Variants in HTATIP2 observed in about 807,000 individuals in gnomAD.
HTATIP2 encodes the protein protein HTATIP2.
In HTATIP2, 26 loss-of-function variants were observed where a neutral mutation model predicts 24.7. That is an observed-to-expected ratio of 1.05 (90% CI 0.77 to 1.46). HTATIP2 has a LOEUF of 1.46. Ranked by LOEUF, HTATIP2 falls within the 40% of genes most tolerant of loss-of-function variation. HTATIP2 has a pLI of 0.00. For synonymous variants in HTATIP2, 99 were observed against 113.2 expected (o/e 0.87, Z 0.79); for missense variants, 284 against 289.6 (o/e 0.98, Z 0.14).
At position 20,383,002 on chromosome 11, in the gene HTATIP2, G is replaced by C; in HGVS notation, c.526G>C (p.Glu176Gln). The change falls in exon 5 of 5, where the codon GAA (glutamate) becomes CAA (glutamine). Residue 176 changes from glutamate to glutamine, a missense_variant. Physicochemically the swap from Glu to Gln is conservative, Grantham distance 29. Coordinates refer to ENST00000451739, the MANE Select transcript of HTATIP2 (RefSeq NM_001098522.2). ...TAGAGTTCTGTTATGTGATAGGCAA[G>C]AATCTCGCCCAGGTGAATGGCTGGT... ...RPGVLLCDRQ[E>Q]SRPGEWLVRK... is the part of the protein sequence containing the mutation. The C allele has an allele frequency of 6.2e-7, 1 of 1,611,460 alleles. No homozygotes were observed. Among genetic ancestry groups the C allele is most frequent in the Non-Finnish European group, 8.5e-7 (1 of 1,179,126 alleles).
intron 3 of HTATIP2, 145 bp from the exon 4 acceptor site, chr11:20,382,033 G>A (rs1015648512): frequency 3.4e-6 from 2 of 584,628 alleles, no homozygotes; most frequent in East Asian, 5.8e-5. Flanking sequence ...CAGACTCCTT[G>A]GAACCTAAAA....
At chr11:20,364,974 A>C (rs1468289538) in intron 1 of HTATIP2, among the ~76,000 whole-genome samples, 1 of 138,514 alleles carries the variant, frequency 7.2e-6, no homozygotes, top group Admixed American at 7.7e-5. Context: ...CTTCACTCTA[A>C]GTTAAAGGTT....
chr11:20,364,541 GC>G, intron 1 of HTATIP2, 109 bp downstream of exon 1: 1 of 997,076 alleles, frequency 1.0e-6, no homozygotes, highest in Non-Finnish European at 1.5e-6. Flanking sequence ...GTAGTGAGAG[GC>G]CATCAAAACT....
At position 20,364,223 on chromosome 11, in the gene HTATIP2, T is replaced by C. The variant is rs1019736002; in HGVS notation, c.-15T>C. On this transcript the variant is annotated 5_prime_UTR_variant, in exon 1 of 5. The change abolishes an upstream ATG in the 5' untranslated region. Transcript: ENST00000451739. ...ACACCCTAAGACCGGCATCTGTCGA[T>C]GTTATTTCCCCAGCATGGCCGAAAC... 1 of 1,585,726 alleles carries C rather than the reference T, an allele frequency of 6.3e-7. No individual in the cohort carries two copies. The highest frequency in any genetic ancestry group is 8.6e-7 in the Non-Finnish European group (1 of 1,161,552).
At chr11:20,379,293 C>T (rs140962730) in intron 3 of HTATIP2, among the ~76,000 whole-genome samples, 11 of 152,302 alleles carry the variant, frequency 7.2e-5, no homozygotes, top group Admixed American at 2.6e-4. Context: ...GCCTGCATTA[C>T]CTGCAGCCTG....
At position 20,376,719 on chromosome 11, in the gene HTATIP2, T is replaced by C; in HGVS notation, c.441+2T>C. 1 of 1,598,522 alleles carries C rather than the reference T, an allele frequency of 6.3e-7. No homozygotes were observed. Among genetic ancestry groups the C allele is most frequent in the African/African-American group, 1.4e-5 (1 of 73,644 alleles). On this transcript the variant is annotated splice_donor_variant, in intron 3 of 4. Coordinates refer to ENST00000451739, the MANE Select transcript of HTATIP2 (RefSeq NM_001098522.2). LOFTEE classifies it high-confidence loss of function. ...AATTTTTTATATCTACAAGTTAAGG[T>C]TTGTGCAAGTTTCTGTTTTTCATAC...
chr11:20,383,360 G>T lies in HTATIP2; in HGVS notation c.*155G>T. On this transcript the variant is annotated 3_prime_UTR_variant, in exon 5 of 5. Transcript: ENST00000451739. ...AGAAATGATGGTGCTCTGCATCAGT[G>T]GTTCAGAGCCTGGTTATACATATAG... is the stretch of plus-strand genomic sequence containing the variant. 1 of 623,004 alleles carries T rather than the reference G, an allele frequency of 1.6e-6. No homozygotes were observed. Among genetic ancestry groups the T allele is most frequent in the Admixed American group, 2.9e-5 (1 of 34,688 alleles). 38.6% of individuals were successfully genotyped at this position (623,004 alleles called of 1,614,324 possible). A position where few individuals can be genotyped will look rare whatever the true frequency, so the allele number is the denominator to read the frequency against.
rs769285045 is a variant in HTATIP2 at position 20,376,579 on chromosome 11, G to A, written c.304-1G>A. The A allele has an allele frequency of 1.1e-5, 18 of 1,613,876 alleles. No individual in the cohort carries two copies. The South Asian group carries it at 2.0e-4, about 18-fold the overall frequency. On this transcript the variant is annotated splice_acceptor_variant, in intron 2 of 4. Transcript: ENST00000451739. LOFTEE classifies it high-confidence loss of function. ...ATAACTCATGTCCTTTTCCCCCTTA[G>A]GAGGGATTTGTTCGTGTTGACCGAG...
At chr11:20,367,054 T>C in intron 1 of HTATIP2, 120 bp from the exon 2 acceptor site, 1 of 1,179,658 alleles carries the variant, frequency 8.5e-7, no homozygotes. Flanking sequence ...TTTGTAAAAT[T>C]TGATGTTAAG....
intron 1 of HTATIP2, among the ~76,000 whole-genome samples, chr11:20,366,099 CTTTTTTTTTTTTT>C (rs746247166): frequency 9.2e-6 from 1 of 108,668 alleles, no homozygotes; most frequent in Non-Finnish European, 1.8e-5. Flanking sequence ...CTTTTCTTTT[CTTTTTTTTTTTTT>C]TTTTTTTGAG....
chr11:20,378,904 G>T (rs1848480709), intron 3 of HTATIP2, among the ~76,000 whole-genome samples: 1 of 152,288 alleles, frequency 6.6e-6, no homozygotes, highest in South Asian at 2.1e-4. Context: ...TGGCACAGTG[G>T]TGTATGCCTG....
chr11:20,377,617 A>T (rs192127970), intron 3 of HTATIP2, among the ~76,000 whole-genome samples: 1 of 152,192 alleles, frequency 6.6e-6, no homozygotes, highest in Non-Finnish European at 1.5e-5. Context: ...TCAGCCATAG[A>T]CTTTTCCTAT....
At chr11:20,367,556 C>G in intron 2 of HTATIP2, 1 of 1,414,732 alleles carries the variant, frequency 7.1e-7, no homozygotes, top group Non-Finnish European at 9.2e-7. Context: ...ATCACTACAT[C>G]CCCTGACTAA....
At chr11:20,372,472 T>C (rs1294067877) in intron 2 of HTATIP2, among the ~76,000 whole-genome samples, 1 of 152,258 alleles carries the variant, frequency 6.6e-6, no homozygotes, top group Admixed American at 6.5e-5. Context: ...AGGATATCTC[T>C]ACTGAGTGTA....
rs145143466 is a variant in HTATIP2, at chr11:20,364,381, G to A, written c.144G>A (p.Thr48=). 8.1e-4 allele frequency: 1,302 copies of A among 1,612,128 alleles called. 1 individual carries two copies. Among genetic ancestry groups the A allele is most frequent in the Non-Finnish European group, 1.0e-3 (1,213 of 1,178,542 alleles). ...ILEQGLFSKV[T]LIGRRKLTFD... is the part of the protein sequence containing the mutation. ...AGCAGGGCCTGTTTTCCAAAGTCAC[G>A]CTCATTGGCCGGAGGAAGCTCACCT... Residue 48 remains threonine, a synonymous_variant, in exon 1 of 5, where the codon ACG becomes ACA. Transcript: ENST00000451739.
intron 2 of HTATIP2, chr11:20,376,307 C>T (rs1848444845): frequency 7.1e-6 from 3 of 425,084 alleles, no homozygotes; most frequent in East Asian, 4.7e-5. Context: ...TCCCTTTGTT[C>T]TTTGCAGATT....
intron 3 of HTATIP2, among the ~76,000 whole-genome samples, chr11:20,380,454 C>T (rs1336028038): frequency 2.0e-5 from 3 of 152,010 alleles, no homozygotes; most frequent in Non-Finnish European, 4.4e-5. Flanking sequence ...GGGCGGATCA[C>T]GAGGTCAGGA....
Position 20,367,296 on chromosome 11 carries a change from T to C in HTATIP2, c.303+15T>C, listed in dbSNP as rs756195934. 2 of 1,613,816 alleles carry C rather than the reference T, an allele frequency of 1.2e-6. No individual in the cohort carries two copies. Among genetic ancestry groups the C allele is most frequent in the South Asian group, 1.1e-5 (1 of 90,888 alleles). ...AAGCTGGGGCGGTAAGGAAGGCATA[T>C]GCTCTTTTCCCTTTTTGCTGGCCAG... is the stretch of plus-strand genomic sequence containing the variant. On this transcript the variant is annotated intron_variant, in intron 2 of 4. Coordinates refer to ENST00000451739, the MANE Select transcript of HTATIP2 (RefSeq NM_001098522.2).
At chr11:20,369,472 G>A (rs1592318777) in intron 2 of HTATIP2, among the ~76,000 whole-genome samples, 1 of 152,150 alleles carries the variant, frequency 6.6e-6, no homozygotes, top group African/African-American at 2.4e-5. Context: ...GTTTGCTAGG[G>A]CTGCCATAAC....
Sources: gnomAD v4.1 joint callset for allele counts (sites outside exome capture counted in the v4.1 genomes callset) on GRCh38, gnomAD v4.1.1 for gene constraint, MANE v1.5 for transcripts, NCBI Gene and HGNC (gene_info 2026-07-23, HGNC 2026-07-21) for gene names.